SUPT3H: variants seen among roughly 807,000 people sequenced by gnomAD.
SUPT3H encodes the protein SPT3 homolog, SAGA and STAGA complex component.
A neutral mutation model predicts 44.3 loss-of-function variants in SUPT3H; 44 were observed. The observed-to-expected ratio is 0.99, with a 90% CI of 0.78 to 1.28. SUPT3H has a LOEUF of 1.28. SUPT3H is among the 50% of genes most tolerant of loss of function. The pLI, the probability that SUPT3H is intolerant of heterozygous loss-of-function variation, is 0.00. For synonymous variants in SUPT3H, 124 were observed against 125.6 expected (o/e 0.99, Z 0.09); for missense variants, 380 against 387.1 (o/e 0.98, Z 0.15).
chr6:45,195,952 G>A (rs1815946004), intron 2 of SUPT3H, among the ~76,000 whole-genome samples: 1 of 152,064 alleles, frequency 6.6e-6, no homozygotes, highest in Admixed American at 6.6e-5. Context: ...TCTTACCCAA[G>A]GAAGGAGAAG....
intron 2 of SUPT3H, among the ~76,000 whole-genome samples, chr6:45,130,712 C>CTTTT (rs1194423160): frequency 6.8e-5 from 6 of 88,596 alleles, no homozygotes; most frequent in Non-Finnish European, 8.6e-5. Context: ...AAAAAAACCA[C>CTTTT]TTTTTTTTTT....
intron 2 of SUPT3H, among the ~76,000 whole-genome samples, chr6:45,272,063 A>C (rs1776280129): frequency 1.3e-5 from 2 of 152,216 alleles, no homozygotes; most frequent in African/African-American, 4.8e-5. Flanking sequence ...GTATCTAGGA[A>C]GTAACAAACT....
At position 45,214,015 on chromosome 6, in the gene SUPT3H, C is replaced by CAAAAAA. The variant is rs11418358; in HGVS notation, c.102-108015_102-108010dup. Among the ~76,000 whole-genome samples the CAAAAAA allele has an allele frequency of 1.2e-3, 92 of 74,070 alleles. 3 individuals are homozygous for CAAAAAA. The highest frequency in any genetic ancestry group is 2.0e-3 in the African/African-American group (37 of 18,798). The allele number at this position is 74,070 out of a possible 152,430, so 48.6% of individuals were successfully genotyped here. On this transcript the variant is annotated intron_variant, in intron 2 of 10. Transcript: ENST00000371459. ...GAAAGCCTTTTGAGATTTTGAAATG[C>CAAAAAA]AAAAAAAAAAAAAAAAAAAACAAGT...
At chr6:44,845,660 G>T (rs1030797112) in intron 10 of SUPT3H, among the ~76,000 whole-genome samples, 2 of 152,142 alleles carry the variant, frequency 1.3e-5, no homozygotes, top group Admixed American at 1.3e-4. Flanking sequence ...ACACACAAGC[G>T]GCTGGACATC....
chr6:44,968,205 C>G (rs920875392), intron 6 of SUPT3H, among the ~76,000 whole-genome samples: 1 of 152,000 alleles, frequency 6.6e-6, no homozygotes, highest in Non-Finnish European at 1.5e-5. Context: ...GGTAATCTAC[C>G]AACAATCTCA....
intron 6 of SUPT3H, among the ~76,000 whole-genome samples, chr6:44,972,178 T>C (rs923122700): frequency 2.0e-5 from 3 of 152,072 alleles, no homozygotes; most frequent in African/African-American, 7.2e-5. Context: ...GCCTGTAAAA[T>C]CAAAGACAAG....
chr6:45,315,072 C>T (rs1350395337), intron 2 of SUPT3H, among the ~76,000 whole-genome samples: 1 of 151,968 alleles, frequency 6.6e-6, no homozygotes, highest in Non-Finnish European at 1.5e-5. Flanking sequence ...TGCTCAGACA[C>T]TAGGCTAGCC....
chr6:45,356,924 T>A (rs914960385), intron 2 of SUPT3H, among the ~76,000 whole-genome samples: 1 of 152,312 alleles, frequency 6.6e-6, no homozygotes, highest in Non-Finnish European at 1.5e-5. Flanking sequence ...ACGAGGCAAA[T>A]CAATATATAA....
intron 2 of SUPT3H, among the ~76,000 whole-genome samples, chr6:45,142,470 C>T (rs568913503): frequency 5.8e-4 from 89 of 152,182 alleles, no homozygotes; most frequent in Admixed American, 1.7e-3. Flanking sequence ...GGAGCGGTGG[C>T]TCACGTCTGT....
At chr6:44,987,726 C>G (rs1310789933) in intron 6 of SUPT3H, among the ~76,000 whole-genome samples, 1 of 152,044 alleles carries the variant, frequency 6.6e-6, no homozygotes, top group Non-Finnish European at 1.5e-5. Context: ...TAACATTTTT[C>G]TGTGCTGATA....
chr6:45,040,198 C>T (rs1041632276), intron 3 of SUPT3H, among the ~76,000 whole-genome samples: 4 of 152,178 alleles, frequency 2.6e-5, no homozygotes, highest in Non-Finnish European at 5.9e-5. Context: ...AGTGAATGAG[C>T]ATGGCTGTGT....
At chr6:44,848,758 T>C (rs530125373) in intron 10 of SUPT3H, among the ~76,000 whole-genome samples, 1 of 152,332 alleles carries the variant, frequency 6.6e-6, no homozygotes, top group African/African-American at 2.4e-5. Flanking sequence ...GGGGGATTAC[T>C]ATGCCCATTT....
chr6:45,197,675 TA>T, intron 2 of SUPT3H: 1 of 326,074 alleles, frequency 3.1e-6, no homozygotes, highest in Non-Finnish European at 6.2e-6. Context: ...TTACATAAAA[TA>T]AGAAGATAAA....
At chr6:45,045,441 A>G (rs138434450) in intron 3 of SUPT3H, among the ~76,000 whole-genome samples, 5 of 152,286 alleles carry the variant, frequency 3.3e-5, no homozygotes, top group African/African-American at 4.8e-5. Context: ...TTGTAAATGC[A>G]GATCTGCTTA....
At chr6:45,299,828 T>G (rs760007136) in intron 2 of SUPT3H, among the ~76,000 whole-genome samples, 2 of 150,710 alleles carry the variant, frequency 1.3e-5, no homozygotes, top group African/African-American at 4.9e-5. Flanking sequence ...AAAAGTAGAC[T>G]GATTTAAAAT....
At chr6:45,120,245 T>C (rs1390320311) in intron 2 of SUPT3H, among the ~76,000 whole-genome samples, 1 of 151,678 alleles carries the variant, frequency 6.6e-6, no homozygotes, top group African/African-American at 2.4e-5. Context: ...ACTTCGGAAG[T>C]AATTTATTTC....
intron 2 of SUPT3H, among the ~76,000 whole-genome samples, chr6:45,245,214 C>A (rs542494876): frequency 6.6e-6 from 1 of 151,942 alleles, no homozygotes; most frequent in South Asian, 2.1e-4. Flanking sequence ...CTAAATAATA[C>A]CATTACCAAG....
At position 45,234,525 on chromosome 6, in the gene SUPT3H, T is replaced by C. The variant is rs1341977541; in HGVS notation, c.102-128519A>G. ...CTGCCTGGGAGACAGAACGAGACGC[T>C]GTCACAAAAAAAAAAAAAAAAAGAA... On this transcript the variant is annotated intron_variant, in intron 2 of 10. Coordinates refer to ENST00000371459, the MANE Select transcript of SUPT3H (RefSeq NM_003599.4). Among the ~76,000 whole-genome samples the C allele has an allele frequency of 7.3e-5, 7 of 95,866 alleles. No individual in the cohort carries two copies. In the Admixed American group the frequency reaches 7.8e-4, roughly 11 times the overall value. The allele number at this position is 95,866 out of a possible 152,430, so 62.9% of individuals were successfully genotyped here. A position where few individuals can be genotyped will look rare whatever the true frequency, so the allele number is the denominator to read the frequency against.
chr6:44,870,763 G>C (rs972593090), intron 10 of SUPT3H, among the ~76,000 whole-genome samples: 6 of 150,990 alleles, frequency 4.0e-5, no homozygotes, highest in African/African-American at 1.5e-4. Context: ...GGGAGTGCCA[G>C]AGAGTGGGCG....
Sources: gnomAD v4.1 joint callset for allele counts (sites outside exome capture counted in the v4.1 genomes callset) on GRCh38, gnomAD v4.1.1 for gene constraint, MANE v1.5 for transcripts, NCBI Gene and HGNC (gene_info 2026-07-23, HGNC 2026-07-21) for gene names.